Variants in GPR63 observed in about 807,000 individuals in gnomAD.
The protein encoded by GPR63 is G protein-coupled receptor 63, also known as probable G protein-coupled receptor 63.
GPR63 carries 12 observed loss-of-function variants against 23.1 expected under a neutral mutation model. That is an observed-to-expected ratio of 0.52 (90% CI 0.33 to 0.84). The LOEUF (loss-of-function observed/expected upper bound fraction) is 0.84. Ranked by LOEUF, GPR63 falls within the 40% of genes least tolerant of loss-of-function variation. GPR63 has a pLI of 0.02. For synonymous variants in GPR63, 172 were observed against 191.1 expected, an observed-to-expected ratio of 0.90 and a Z score of 0.82; for missense variants, 472 against 515.6, an observed-to-expected ratio of 0.92 and a Z score of 0.82.
chr6:96,830,440 T>G (rs1774551807), intron 1 of GPR63, among the ~76,000 whole-genome samples: 1 of 152,074 alleles, frequency 6.6e-6, no homozygotes, highest in Non-Finnish European at 1.5e-5. Flanking sequence ...TTTGAGATAG[T>G]AAAAAGGAAA....
At chr6:96,804,069 C>T (rs1289535957) in intron 1 of GPR63, among the ~76,000 whole-genome samples, 2 of 152,158 alleles carry the variant, frequency 1.3e-5, no homozygotes, top group South Asian at 2.1e-4. Context: ...TCTCTTATTC[C>T]ATCTACAGAA....
chr6:96,798,868 G>T lies in GPR63; in HGVS notation c.864C>A (p.Ala288=). The T allele has an allele frequency of 6.2e-7, 1 of 1,614,198 alleles. No homozygotes were observed. Among genetic ancestry groups the T allele is most frequent in the Non-Finnish European group, 8.5e-7 (1 of 1,180,030 alleles). Residue 288 remains alanine, a synonymous_variant, in exon 2 of 2, where the codon GCC becomes GCA. Transcript: ENST00000229955. ...GCAGACTCATGAGACCCAGTTTGCT[G>T]GCCTGGCTGAGGCATATACCTTCAG... ...SYPEGICLSQ[A]SKLGLMSLQR... is the part of the protein sequence containing the mutation.
intron 1 of GPR63, among the ~76,000 whole-genome samples, chr6:96,803,609 T>G (rs1773825743): frequency 6.6e-6 from 1 of 152,216 alleles, no homozygotes; most frequent in South Asian, 2.1e-4. Context: ...CCTGGCCTTC[T>G]TCCTTTTCTT....
intron 1 of GPR63, among the ~76,000 whole-genome samples, chr6:96,817,203 C>T (rs1373947618): frequency 6.6e-6 from 1 of 152,094 alleles, no homozygotes; most frequent in Non-Finnish European, 1.5e-5. Context: ...AAAAACTTCA[C>T]AAACATATCC....
chr6:96,808,905 C>T (rs1217797640), intron 1 of GPR63, among the ~76,000 whole-genome samples: 1 of 151,924 alleles, frequency 6.6e-6, no homozygotes. Flanking sequence ...AGGTATATCT[C>T]CTAAAGCTAT....
chr6:96,799,420 G>A lies in GPR63; in HGVS notation c.312C>T (p.Leu104=), dbSNP rs1234254096. 1.2e-6 allele frequency: 2 copies of A among 1,614,012 alleles called. No homozygotes were observed. The highest frequency in any genetic ancestry group is 8.5e-7 in the Non-Finnish European group (1 of 1,180,020). ...VSFLGNLVVC[L]MVYQKAAMRS... Reference sequence around the variant, plus strand: ...TCATGGCAGCTTTTTGGTAAACCATGAGGCAAACAACCAAGTTCCCAAGAA... The same window carrying A: ...TCATGGCAGCTTTTTGGTAAACCATAAGGCAAACAACCAAGTTCCCAAGAA... Residue 104 remains leucine, a synonymous_variant, in exon 2 of 2, where the codon CTC becomes CTT. Coordinates refer to ENST00000229955, the MANE Select transcript of GPR63 (RefSeq NM_030784.4).
intron 1 of GPR63, among the ~76,000 whole-genome samples, chr6:96,823,729 G>C (rs1417646877): frequency 6.6e-6 from 1 of 151,970 alleles, no homozygotes; most frequent in Non-Finnish European, 1.5e-5. Context: ...CTCCATTCAT[G>C]GTAAGTGCTC....
chr6:96,831,243 C>T (rs9487274), intron 1 of GPR63, among the ~76,000 whole-genome samples: 12,284 of 152,178 alleles, frequency 0.081, 853 homozygotes, highest in African/African-American at 0.19. Context: ...GGACAGCATT[C>T]TCATGGCACA....
At chr6:96,836,109 T>C (rs2127964493) in intron 1 of GPR63, among the ~76,000 whole-genome samples, 1 of 152,178 alleles carries the variant, frequency 6.6e-6, no homozygotes, top group African/African-American at 2.4e-5. Flanking sequence ...TGTGAGTGAA[T>C]AAGGCAAACA....
chr6:96,822,184 G>T lies in GPR63; in HGVS notation c.-151+15084C>A, dbSNP rs144627845. ...GAACTATGAAATTTTGTCATGAGTG[G>T]GAAACCAGAAAATAACACAAGGGAA... is the stretch of plus-strand genomic sequence containing the variant. On this transcript the variant is annotated intron_variant, in intron 1 of 1. Coordinates refer to ENST00000229955, the MANE Select transcript of GPR63 (RefSeq NM_030784.4). Among the ~76,000 whole-genome samples the T allele has an allele frequency of 6.6e-5, 10 of 152,050 alleles. No homozygotes were observed. In the East Asian group the frequency reaches 1.9e-3, roughly 29 times the overall value.
At chr6:96,808,727 T>C (rs1773963276) in intron 1 of GPR63, among the ~76,000 whole-genome samples, 1 of 152,182 alleles carries the variant, frequency 6.6e-6, no homozygotes, top group Non-Finnish European at 1.5e-5. Flanking sequence ...GTGGGACACC[T>C]ACACTGAACT....
At chr6:96,820,044 C>T (rs1774273688) in intron 1 of GPR63, among the ~76,000 whole-genome samples, 1 of 151,596 alleles carries the variant, frequency 6.6e-6, no homozygotes, top group East Asian at 1.9e-4. Flanking sequence ...GGTACATTCT[C>T]CTCCAGCTTT....
At chr6:96,812,283 TTTCTAA>T (rs541186649) in intron 1 of GPR63, among the ~76,000 whole-genome samples, 249 of 152,312 alleles carry the variant, frequency 1.6e-3, no homozygotes, top group African/African-American at 5.2e-3. Flanking sequence ...TCCTAACATA[TTTCTAA>T]TTCTAACCAC....
intron 1 of GPR63, among the ~76,000 whole-genome samples, chr6:96,804,185 G>A (rs879805889): frequency 9.9e-5 from 15 of 152,100 alleles, no homozygotes; most frequent in African/African-American, 2.7e-4. Flanking sequence ...GGTCAGTAGC[G>A]GTTGTAGTAT....
At chr6:96,819,990 A>AAC (rs1418001045) in intron 1 of GPR63, among the ~76,000 whole-genome samples, 3 of 143,108 alleles carry the variant, frequency 2.1e-5, no homozygotes, top group African/African-American at 7.4e-5. Context: ...AAAAAAAAAA[A>AAC]AACAAACAAC....
intron 1 of GPR63, among the ~76,000 whole-genome samples, chr6:96,818,463 CA>C (rs879517923): frequency 3.5e-4 from 50 of 141,144 alleles, no homozygotes; most frequent in African/African-American, 4.9e-4. Context: ...AACTCCCATT[CA>C]AAAAAAAAAA....
At chr6:96,807,988 G>A (rs1454028781) in intron 1 of GPR63, among the ~76,000 whole-genome samples, 5 of 152,308 alleles carry the variant, frequency 3.3e-5, no homozygotes, top group East Asian at 1.9e-4. Flanking sequence ...CCCAGGAAGT[G>A]TGTTCTTAGC....
chr6:96,817,572 T>C (rs559466893), intron 1 of GPR63, among the ~76,000 whole-genome samples: 1 of 152,300 alleles, frequency 6.6e-6, no homozygotes, highest in African/African-American at 2.4e-5. Flanking sequence ...AGAAGCATTA[T>C]TTGAAATATT....
At chr6:96,818,224 G>A (rs1217205060) in intron 1 of GPR63, among the ~76,000 whole-genome samples, 1 of 152,000 alleles carries the variant, frequency 6.6e-6, no homozygotes, top group East Asian at 1.9e-4. Context: ...CACTTTAGGA[G>A]GCCAAGGCGG....
Sources: gnomAD v4.1 joint callset for allele counts (sites outside exome capture counted in the v4.1 genomes callset) on GRCh38, gnomAD v4.1.1 for gene constraint, MANE v1.5 for transcripts, NCBI Gene and HGNC (gene_info 2026-07-23, HGNC 2026-07-21) for gene names.